The following PLCE1 variants were observed in gnomAD, a reference collection of about 807,000 sequenced individuals.
PLCE1 encodes 1-phosphatidylinositol 4,5-bisphosphate phosphodiesterase epsilon-1.
In PLCE1, 119 loss-of-function variants were observed where a neutral mutation model predicts 242.8. The ratio of observed to expected loss-of-function variants is 0.49; its 90% confidence interval spans 0.42 to 0.57. The LOEUF is 0.57. Among genes scored for constraint, PLCE1 ranks in the 20% least tolerant of loss-of-function variants. PLCE1 has a pLI of 0.00. For synonymous variants in PLCE1, 945 were observed against 1,017.4 expected (o/e 0.93, Z 1.35); for missense variants, 2,441 against 2,788.8 (o/e 0.88, Z 2.81).
intron 2 of PLCE1, among the ~76,000 whole-genome samples, chr10:94,099,375 T>G (rs1462704197): frequency 1.3e-5 from 2 of 152,174 alleles, no homozygotes; most frequent in African/African-American, 2.4e-5. Flanking sequence ...ATTACCTCAT[T>G]TTAGGCCTCT....
At chr10:94,129,436 G>A (rs1432270379) in intron 2 of PLCE1, among the ~76,000 whole-genome samples, 1 of 152,210 alleles carries the variant, frequency 6.6e-6, no homozygotes, top group Non-Finnish European at 1.5e-5. Context: ...AAAAGGAGAA[G>A]AGATTTACTG....
At chr10:94,089,481 A>G (rs2044979193) in intron 2 of PLCE1, 12 of 767,382 alleles carry the variant, frequency 1.6e-5, no homozygotes, top group South Asian at 3.6e-5. Flanking sequence ...CCAAAATACA[A>G]TTCCTCTGAG....
intron 2 of PLCE1, among the ~76,000 whole-genome samples, chr10:94,120,312 C>G (rs1331149390): frequency 6.6e-6 from 1 of 152,168 alleles, no homozygotes; most frequent in African/African-American, 2.4e-5. Flanking sequence ...ATGGCTCTAC[C>G]CTTGGATGAA....
chr10:94,204,038 T>C (rs1475341277), intron 4 of PLCE1, among the ~76,000 whole-genome samples: 1 of 152,212 alleles, frequency 6.6e-6, no homozygotes, highest in Admixed American at 6.5e-5. Context: ...TGTTAACACA[T>C]TTATTTATGT....
chr10:94,265,995 A>G, intron 16 of PLCE1, 37 bp downstream of exon 16: 1 of 1,602,990 alleles, frequency 6.2e-7, no homozygotes, highest in Non-Finnish European at 8.5e-7. Context: ...GTTTTTATTA[A>G]ACCTAATTAT....
chr10:94,227,404 G>T lies in PLCE1; in HGVS notation c.1908G>T (p.Trp636Cys). ...TGGTGCATGTGGCCAAATGCTGCTG[G>T]AACATGGGCAACTACAACGCTGTCA... Reference protein sequence around the residue: ...SYLVHVAKCCWNMGNYNAVME... With the variant: ...SYLVHVAKCCCNMGNYNAVME... Residue 636 changes from tryptophan to cysteine, a missense_variant, in exon 5 of 33, where the codon TGG (tryptophan) becomes TGT (cysteine). Around this residue, in one of 5 missense-constraint regions of PLCE1, gnomAD observed 733 missense variants for 754.2 expected, o/e 0.97. Transcript: ENST00000371380. The T allele has an allele frequency of 6.2e-7, 1 of 1,614,014 alleles. No individual in the cohort carries two copies. Among genetic ancestry groups the T allele is most frequent in the South Asian group, 1.1e-5 (1 of 91,058 alleles).
At chr10:94,254,408 T>G in intron 10 of PLCE1, 101 bp downstream of exon 10, 2 of 824,832 alleles carry the variant, frequency 2.4e-6, no homozygotes, top group Non-Finnish European at 4.2e-6. Flanking sequence ...TTGCAAACAT[T>G]TCTAACAAAA....
chr10:94,283,964 A>G (rs943525516), intron 21 of PLCE1, 53 bp downstream of exon 21: 2 of 1,593,984 alleles, frequency 1.3e-6, no homozygotes, highest in African/African-American at 1.3e-5. Context: ...TACTCTTGTC[A>G]GTTTCAGATG....
At chr10:94,135,818 G>A (rs1043513399) in intron 3 of PLCE1, among the ~76,000 whole-genome samples, 9 of 152,222 alleles carry the variant, frequency 5.9e-5, no homozygotes, top group African/African-American at 2.2e-4. Context: ...ACTTTTCAGA[G>A]ATTTCGAAAA....
chr10:94,203,866 T>C (rs2049058599), intron 4 of PLCE1, among the ~76,000 whole-genome samples: 1 of 151,980 alleles, frequency 6.6e-6, no homozygotes, highest in African/African-American at 2.4e-5. Context: ...GAAATATTAG[T>C]CTCTAATTTG....
Position 94,030,775 on chromosome 10 carries a change from A to G in PLCE1, c.-272A>G. 2 of 463,136 alleles carry G rather than the reference A, an allele frequency of 4.3e-6. No homozygotes were observed. Among genetic ancestry groups the G allele is most frequent in the Non-Finnish European group, 7.8e-6 (2 of 256,716 alleles). 28.7% of individuals were successfully genotyped at this position (463,136 alleles called of 1,614,324 possible). ...GTGCAATCCCGAGTAAAAGTCTTCA[A>G]AAAATTTTGCTTCAGGTAACAGAGG... On this transcript the variant is annotated 5_prime_UTR_variant, in exon 2 of 33. Coordinates refer to ENST00000371380, the MANE Select transcript of PLCE1 (RefSeq NM_016341.4).
chr10:94,279,992 G>A (rs990145340), intron 20 of PLCE1, 81 bp downstream of exon 20: 2 of 1,412,272 alleles, frequency 1.4e-6, no homozygotes, highest in African/African-American at 2.8e-5. Flanking sequence ...AATAAGTCTA[G>A]AGCGCCAAAG....
intron 2 of PLCE1, among the ~76,000 whole-genome samples, chr10:94,128,621 T>C (rs941518740): frequency 2.0e-5 from 3 of 152,324 alleles, no homozygotes; most frequent in South Asian, 4.1e-4. Flanking sequence ...TTATTAATAG[T>C]TTCTTGGAGG....
intron 4 of PLCE1, among the ~76,000 whole-genome samples, chr10:94,179,528 T>TTTTTTTTTTTTTTTTTTC (rs2048237603): frequency 1.2e-5 from 1 of 81,112 alleles, no homozygotes; most frequent in African/African-American, 4.4e-5. Context: ...TTTTTTTTTT[T>TTTTTTTTTTTTTTTTTTC]TTGACAGGGT....
chr10:94,221,524 G>A (rs2049745587), intron 4 of PLCE1, among the ~76,000 whole-genome samples: 1 of 152,222 alleles, frequency 6.6e-6, no homozygotes, highest in African/African-American at 2.4e-5. Flanking sequence ...ATCACCTGAG[G>A]TCAGGAGTTT....
intron 22 of PLCE1, among the ~76,000 whole-genome samples, chr10:94,285,882 C>CA (rs1423555404): frequency 2.0e-5 from 3 of 152,106 alleles, no homozygotes; most frequent in Non-Finnish European, 2.9e-5. Flanking sequence ...AACCACTTTC[C>CA]AAAAACAGTG....
chr10:94,152,264 A>G (rs2047299352), intron 3 of PLCE1, among the ~76,000 whole-genome samples: 2 of 152,264 alleles, frequency 1.3e-5, no homozygotes, highest in Non-Finnish European at 2.9e-5. Context: ...AAAAATTATT[A>G]ACTGCATAGT....
intron 4 of PLCE1, among the ~76,000 whole-genome samples, chr10:94,180,109 G>A (rs1235988367): frequency 6.6e-6 from 1 of 151,800 alleles, no homozygotes; most frequent in African/African-American, 2.4e-5. Flanking sequence ...AGTTGTTCTG[G>A]CTTCCAGAGC....
chr10:94,004,003 T>A (rs1291415773), intron 1 of PLCE1, among the ~76,000 whole-genome samples: 7 of 151,982 alleles, frequency 4.6e-5, no homozygotes. Context: ...AAAAATTAGC[T>A]GGGCATGGTG....
Sources: allele counts gnomAD v4.1 joint callset (sites outside exome capture counted in the v4.1 genomes callset), GRCh38; gene constraint gnomAD v4.1.1; regional missense constraint gnomAD v4.1.1; transcripts MANE v1.5; gene names NCBI Gene and HGNC (gene_info 2026-07-23, HGNC 2026-07-21).